The following TEX10 variants were observed in gnomAD, a reference collection of about 807,000 sequenced individuals.
TEX10 encodes testis-expressed protein 10.
A neutral mutation model predicts 104.4 loss-of-function variants in TEX10; 24 were observed. That is an observed-to-expected ratio of 0.23 (90% CI 0.17 to 0.32). TEX10 has a LOEUF of 0.32. Ranked by LOEUF, TEX10 falls within the 10% of genes least tolerant of loss-of-function variation. The probability of loss-of-function intolerance (pLI) is 1.00; values close to 1 mark genes in which losing one functional copy is unlikely to be tolerated. For synonymous variants in TEX10, 396 were observed against 393.4 expected (o/e 1.01, Z -0.08); for missense variants, 921 against 1,083.9 (o/e 0.85, Z 2.11).
intron 8 of TEX10, 103 bp downstream of exon 8, chr9:100,327,684 A>G (rs1834742600): frequency 2.4e-6 from 2 of 826,484 alleles, no homozygotes; most frequent in African/African-American, 1.7e-5. Flanking sequence ...TTACTAATTC[A>G]GACTAAGGGA....
intron 11 of TEX10, among the ~76,000 whole-genome samples, chr9:100,319,889 T>A (rs897769898): frequency 2.0e-4 from 30 of 152,364 alleles, no homozygotes; most frequent in African/African-American, 7.2e-4. Context: ...TTAAATTTAA[T>A]TTCAATAAGT....
At chr9:100,307,556 T>A (rs922524099) in intron 13 of TEX10, 6 of 152,000 alleles carry the variant, frequency 3.9e-5, no homozygotes, top group African/African-American at 1.4e-4. Flanking sequence ...ATAATTCCCA[T>A]TACAAAAAAT....
rs765054405 is a variant in TEX10 at position 100,302,145 on chromosome 9, G to C, written c.*46C>G. 5.2e-6 allele frequency: 6 copies of C among 1,153,126 alleles called. No homozygotes were observed. Among genetic ancestry groups the C allele is most frequent in the Non-Finnish European group, 7.4e-6 (6 of 813,686 alleles). The allele number at this position is 1,153,126 out of a possible 1,614,324, so 71.4% of individuals were successfully genotyped here. On this transcript the variant is annotated 3_prime_UTR_variant, in exon 15 of 15. Transcript: ENST00000374902. ...TACATCAGTCTTTTTCTTCAAATAA[G>C]ATAGATGTGAATAAACAACTTCAAA...
chr9:100,321,891 A>T (rs942906592), intron 9 of TEX10, 120 bp from the exon 10 acceptor site: 15 of 654,430 alleles, frequency 2.3e-5, no homozygotes, highest in Non-Finnish European at 3.4e-5. Flanking sequence ...GTAGCTTAAA[A>T]TAAAACCCAT....
chr9:100,331,218 G>A (rs897070475), intron 5 of TEX10, among the ~76,000 whole-genome samples: 28 of 152,088 alleles, frequency 1.8e-4, no homozygotes, highest in Non-Finnish European at 2.9e-4. Context: ...CCAAGATTGC[G>A]CCATTGCACT....
At chr9:100,331,977 T>C (rs1834872898) in intron 5 of TEX10, among the ~76,000 whole-genome samples, 1 of 152,150 alleles carries the variant, frequency 6.6e-6, no homozygotes, top group African/African-American at 2.4e-5. Flanking sequence ...GTTCTAACAG[T>C]AGTGACTAAA....
chr9:100,302,778 T>C (rs1013325656), intron 14 of TEX10, among the ~76,000 whole-genome samples: 11 of 152,210 alleles, frequency 7.2e-5, no homozygotes, highest in African/African-American at 2.7e-4. Flanking sequence ...ATTATTCCAC[T>C]GCCACTTCCA....
intron 2 of TEX10, among the ~76,000 whole-genome samples, chr9:100,348,117 A>G (rs35747178): frequency 0.011 from 1,666 of 152,376 alleles, 17 homozygotes; most frequent in African/African-American, 0.016. Flanking sequence ...TACAAGCTAC[A>G]TACAACCTGG....
In TEX10 at chr9:100,303,692, G is replaced by T. The variant is rs768843570; in HGVS notation, c.2616C>A (p.Pro872=). 2 of 1,614,072 alleles carry T rather than the reference G, an allele frequency of 1.2e-6. No homozygotes were observed. Among genetic ancestry groups the T allele is most frequent in the Admixed American group, 1.7e-5 (1 of 60,022 alleles). The change falls in exon 14 of 15, where the codon CCC becomes CCA. Residue 872 remains proline (P), a synonymous_variant. Coordinates refer to ENST00000374902, the MANE Select transcript of TEX10 (RefSeq NM_017746.4). ...QLLRLLLQHA[P]LRTHMLTNAI... ...CATTGGTCAACATATGAGTCCTGAG[G>T]GGTGCATGCTGAAGCAGCAGTCGAA...
At chr9:100,308,238 C>T (rs1834188110) in intron 13 of TEX10, among the ~76,000 whole-genome samples, 1 of 151,872 alleles carries the variant, frequency 6.6e-6, no homozygotes, top group Non-Finnish European at 1.5e-5. Flanking sequence ...TAAAAGAAAC[C>T]TCTCAAGAAA....
intron 13 of TEX10, chr9:100,304,413 A>G (rs1834092537): frequency 1.3e-5 from 2 of 154,584 alleles, no homozygotes; most frequent in South Asian, 3.9e-4. Context: ...AGAACCCAGA[A>G]ATAAAGCCAC....
intron 11 of TEX10, among the ~76,000 whole-genome samples, chr9:100,319,140 C>G (rs373429492): frequency 6.6e-6 from 1 of 151,744 alleles, no homozygotes; most frequent in South Asian, 2.1e-4. Flanking sequence ...TGCAGTGAGC[C>G]GAGACAGCAC....
chr9:100,346,381 A>T, intron 3 of TEX10, 66 bp from the exon 4 acceptor site: 1 of 1,493,008 alleles, frequency 6.7e-7, no homozygotes, highest in Middle Eastern at 1.8e-4. Flanking sequence ...TGCTAATTTA[A>T]ATCTTAAATA....
In TEX10 at chr9:100,333,887, C is replaced by T. The variant is rs368320957; in HGVS notation, c.1251-3718G>A. On this transcript the variant is annotated intron_variant, in intron 5 of 14. Coordinates refer to ENST00000374902, the MANE Select transcript of TEX10 (RefSeq NM_017746.4). Reference sequence around the variant, plus strand: ...GATAAAGTACAGTCTTTCCAATGAACGGTGATAGAACAACTGGAAAGAATT... The same window carrying T: ...GATAAAGTACAGTCTTTCCAATGAATGGTGATAGAACAACTGGAAAGAATT... Among the ~76,000 whole-genome samples, 25 of 151,888 alleles carry T rather than the reference C, an allele frequency of 1.6e-4. No individual in the cohort carries two copies. In the East Asian group the frequency reaches 4.5e-3, roughly 27 times the overall value.
intron 11 of TEX10, among the ~76,000 whole-genome samples, chr9:100,320,021 A>G (rs988282622): frequency 6.6e-6 from 1 of 152,224 alleles, no homozygotes; most frequent in Non-Finnish European, 1.5e-5. Context: ...TTACTCTTTC[A>G]TAATGCTTTC....
intron 5 of TEX10, among the ~76,000 whole-genome samples, chr9:100,333,466 A>T (rs1159533346): frequency 1.3e-5 from 2 of 152,156 alleles, no homozygotes; most frequent in Non-Finnish European, 1.5e-5. Flanking sequence ...AATGATTCTG[A>T]AGTCTATATG....
intron 9 of TEX10, among the ~76,000 whole-genome samples, chr9:100,322,631 T>G (rs1436920682): frequency 5.3e-5 from 8 of 152,076 alleles, no homozygotes; most frequent in Admixed American, 1.3e-4. Flanking sequence ...ATATATTTTT[T>G]GGGGGGATGG....
At chr9:100,321,556 C>G in intron 10 of TEX10, 127 bp downstream of exon 10, 1 of 691,110 alleles carries the variant, frequency 1.4e-6, no homozygotes, top group Non-Finnish European at 2.4e-6. Flanking sequence ...TCACAAAAAT[C>G]ACTCCAAGAT....
In TEX10 at chr9:100,329,135, T is replaced by A; in HGVS notation, c.1625+5A>T. ...AAAAAGAAAGGAAAAATAACAAGAT[T>A]TTACCTGAATCTACAAGATCTCAGT... is the stretch of plus-strand genomic sequence containing the variant. On this transcript the variant is annotated splice_donor_5th_base_variant and intron_variant, in intron 7 of 14. Coordinates refer to ENST00000374902, the MANE Select transcript of TEX10 (RefSeq NM_017746.4). 1 of 1,586,740 alleles carries A rather than the reference T, an allele frequency of 6.3e-7. No individual in the cohort carries two copies. The highest frequency in any genetic ancestry group is 8.5e-7 in the Non-Finnish European group (1 of 1,173,794).
Sources: gnomAD v4.1 joint callset for allele counts (sites outside exome capture counted in the v4.1 genomes callset) on GRCh38, gnomAD v4.1.1 for gene constraint, MANE v1.5 for transcripts, NCBI Gene and HGNC (gene_info 2026-07-23, HGNC 2026-07-21) for gene names.